The following SRRM2 variants were observed in gnomAD, a reference collection of about 807,000 sequenced individuals.
SRRM2 encodes serine/arginine repetitive matrix protein 2.
SRRM2 carries 30 observed loss-of-function variants against 213.8 expected under a neutral mutation model. That is an observed-to-expected ratio of 0.14 (90% confidence interval 0.10 to 0.19). The LOEUF is 0.19. Ranked by LOEUF, SRRM2 falls within the 10% of genes least tolerant of loss-of-function variation. The pLI is 1.00. For synonymous variants in SRRM2, 2,025 were observed against 1,377.7 expected, an observed-to-expected ratio of 1.47 and a Z score of -10.40; for missense variants, 4,904 against 3,647.0, an observed-to-expected ratio of 1.34 and a Z score of -8.88.
chr16:2,753,006 T>G (rs2067984351), intron 1 of SRRM2, among the ~76,000 whole-genome samples, 160 bp downstream of exon 1: 3 of 148,928 alleles, frequency 2.0e-5, no homozygotes, highest in Non-Finnish European at 1.5e-5. Context: ...CCCTTCCCCC[T>G]TCCCGCCGTT....
intron 1 of SRRM2, 101 bp from the exon 2 acceptor site, chr16:2,756,233 T>C (rs1410293405): frequency 2.7e-6 from 3 of 1,116,702 alleles, no homozygotes; most frequent in East Asian, 2.6e-5. Context: ...TGAAGATCAA[T>C]GTTGAATTAG....
intron 12 of SRRM2, 126 bp downstream of exon 12, chr16:2,769,410 A>C: frequency 1.8e-6 from 2 of 1,114,132 alleles, no homozygotes; most frequent in Non-Finnish European, 2.6e-6. Context: ...GTGGGGGAGG[A>C]GGCACTTGCT....
rs774441538 is a variant in SRRM2 at position 2,764,760 on chromosome 16, C to G, written c.4232C>G (p.Pro1411Arg). 1.1e-5 allele frequency: 18 copies of G among 1,613,996 alleles called. No individual in the cohort carries two copies. The highest frequency in any genetic ancestry group is 1.5e-5 in the Non-Finnish European group (18 of 1,180,028). ...SISSPVLDAVPRTPSRERSSS... is the reference protein window; with the variant it reads ...SISSPVLDAVRRTPSRERSSS... ...TCTTCACCTGTGCTTGATGCTGTAC[C>G]CAGAACACCCTCGAGAGAAAGAAGT... Residue 1411 changes from proline (P) to arginine (R), a missense_variant, in exon 11 of 15, where the codon CCC becomes CGC. Physicochemically the swap from Pro to Arg is moderately radical, Grantham distance 103 (BLOSUM62 -2). Transcript: ENST00000301740.
rs575856432 is a variant in SRRM2 at position 2,758,850 on chromosome 16, C to T, written c.594-135C>T. ...TTGTTGGAGAAAGAAGAAATAAGTCCTGGGCTTAGGTCTGGGGCATTAGTG... is the reference window on the plus strand; with the variant it reads ...TTGTTGGAGAAAGAAGAAATAAGTCTTGGGCTTAGGTCTGGGGCATTAGTG... On this transcript the variant is annotated intron_variant, in intron 5 of 14. Coordinates refer to ENST00000301740, the MANE Select transcript of SRRM2 (RefSeq NM_016333.4). 261 of 914,296 alleles carry T rather than the reference C, an allele frequency of 2.9e-4. 4 individuals are homozygous for T. In the South Asian group the frequency reaches 3.7e-3, roughly 13 times the overall value. 56.6% of individuals were successfully genotyped at this position (914,296 alleles called of 1,614,324 possible). A position where few individuals can be genotyped will look rare whatever the true frequency, so the allele number is the denominator to read the frequency against.
Position 2,766,316 on chromosome 16 carries a change from G to C in SRRM2, c.5788G>C (p.Val1930Leu). ...RRRSRSRTPP[V>L]TRRRSRSRTP... ...GCGATCCAGATCCAGAACGCCACCA[G>C]TAACCCGCCGTCGTTCAAGGTCTAG... The change falls in exon 11 of 15, where the codon GTA (valine) becomes CTA (leucine). Residue 1930 changes from valine (V) to leucine (L), a missense_variant. Coordinates refer to ENST00000301740, the MANE Select transcript of SRRM2 (RefSeq NM_016333.4). The surrounding 1 kb of genome is among the most constrained non-coding windows in gnomAD (Gnocchi z 7.0). The C allele has an allele frequency of 6.2e-7, 1 of 1,614,156 alleles. No individual in the cohort carries two copies. The highest frequency in any genetic ancestry group is 2.2e-5 in the East Asian group (1 of 44,886).
intron 10 of SRRM2, 128 bp from the exon 11 acceptor site, chr16:2,761,433 A>G: frequency 1.5e-6 from 1 of 661,324 alleles, no homozygotes. Context: ...ATTGAATGAA[A>G]GTGATCGCTT....
rs201366178 is a variant in SRRM2, at chr16:2,767,388, C to T, written c.6860C>T (p.Pro2287Leu). The stretch of plus-strand genomic sequence containing the variant: ...CCTTCGGCTGTGAACCTGGCTGACC[C>T]TCGCACTCCCACAGCCCCAGCTGTG... The part of the protein sequence containing the change: ...VAPSAVNLAD[P>L]RTPTAPAVNL... Residue 2287 changes from proline (P) to leucine (L), a missense_variant, in exon 11 of 15, where the codon CCT becomes CTT. Coordinates refer to ENST00000301740, the MANE Select transcript of SRRM2 (RefSeq NM_016333.4). The T allele has an allele frequency of 1.6e-5, 26 of 1,613,940 alleles. No individual in the cohort carries two copies. The East Asian group carries it at 4.9e-4, about 30-fold the overall frequency.
rs201482894 is a variant in SRRM2 at position 2,763,705 on chromosome 16, A to T, written c.3177A>T (p.Gly1059=). The change falls in exon 11 of 15, where the codon GGA becomes GGT. Residue 1059 remains glycine (G), a synonymous_variant. Coordinates refer to ENST00000301740, the MANE Select transcript of SRRM2 (RefSeq NM_016333.4). The part of the protein sequence containing the change: ...YFGVSSLQLK[G]QSQTSPDHRS... ...GTGTCTCATCTCTGCAACTGAAAGG[A>T]CAATCTCAAACTTCACCAGACCACA... is the stretch of plus-strand genomic sequence containing the variant. The T allele has an allele frequency of 2.5e-6, 4 of 1,614,180 alleles. No homozygotes were observed. In the East Asian group the frequency reaches 8.9e-5, roughly 36 times the overall value.
chr16:2,769,000 C>T lies in SRRM2; in HGVS notation c.7737C>T (p.Val2579=), dbSNP rs1427080560. 1.2e-6 allele frequency: 2 copies of T among 1,613,070 alleles called. No individual in the cohort carries two copies. Among genetic ancestry groups the T allele is most frequent in the African/African-American group, 1.3e-5 (1 of 74,892 alleles). ...TGACACTCCTCTCCTCCCACAGGGT[C>T]CCCAGCCCCACCCCAGCCCCAAAGG... ...PVQPEVALKR[V]PSPTPAPKEA... Residue 2579 remains valine (V), a synonymous_variant, in exon 12 of 15, where the codon GTC becomes GTT. Transcript: ENST00000301740.
chr16:2,768,356 C>T lies in SRRM2; in HGVS notation c.7733+95C>T, dbSNP rs1019679247. The T allele has an allele frequency of 7.4e-5, 103 of 1,399,484 alleles. No homozygotes were observed. In the South Asian group the frequency reaches 8.6e-4, roughly 12 times the overall value. 86.7% of individuals were successfully genotyped at this position (1,399,484 alleles called of 1,614,324 possible). A position where few individuals can be genotyped will look rare whatever the true frequency, so the allele number is the denominator to read the frequency against. On this transcript the variant is annotated intron_variant, in intron 11 of 14. Transcript: ENST00000301740. ...GAGAAACCATGTCACAGGTGCTTGG[C>T]TCTTGGAGGAGGTATGGGGACCTTG... is the stretch of plus-strand genomic sequence containing the variant.
chr16:2,757,665 C>A, intron 3 of SRRM2, 86 bp downstream of exon 3: 29 of 1,579,148 alleles, frequency 1.8e-5, no homozygotes, highest in Non-Finnish European at 2.5e-5. Context: ...CGTGGGACTT[C>A]CTCCCTGCTT....
Position 2,761,576 on chromosome 16 carries a change from C to A in SRRM2, c.1048C>A (p.Pro350Thr). 1 of 1,514,146 alleles carries A rather than the reference C, an allele frequency of 6.6e-7. No individual in the cohort carries two copies. The highest frequency in any genetic ancestry group is 8.8e-7 in the Non-Finnish European group (1 of 1,133,648). The allele number at this position is 1,514,146 out of a possible 1,614,324, so 93.8% of individuals were successfully genotyped here. The change falls in exon 11 of 15, where the codon CCT (proline) becomes ACT (threonine). Residue 350 changes from proline to threonine, a missense_variant. Transcript: ENST00000301740. ...CCACTCTTAGAAATCTGCAACTCGA[C>A]CTAGCCCCTCTCCGGAAAGGAGCAG... The part of the protein sequence containing the change: ...KDKKEKSATR[P>T]SPSPERSSTG...
intron 1 of SRRM2, among the ~76,000 whole-genome samples, chr16:2,755,112 T>C (rs967475056): frequency 6.6e-6 from 1 of 152,230 alleles, no homozygotes; most frequent in Admixed American, 6.5e-5. Context: ...ATGCATGTTC[T>C]AGGAAACTAT....
rs762952155 is a variant in SRRM2, at chr16:2,769,066, C to T, written c.7803C>T (p.Ala2601=). 2 of 1,614,030 alleles carry T rather than the reference C, an allele frequency of 1.2e-6. No individual in the cohort carries two copies. Among genetic ancestry groups the T allele is most frequent in the East Asian group, 2.2e-5 (1 of 44,898 alleles). Residue 2601 remains alanine (A), a synonymous_variant, in exon 12 of 15, where the codon GCC becomes GCT. Transcript: ENST00000301740. The part of the protein sequence containing the change: ...REGRPPEPTP[A]KRKRRSSSSS... ...GACGTCCTCCGGAGCCAACCCCAGC[C>T]AAACGGAAGAGGCGCTCTAGCAGTT...
Position 2,764,121 on chromosome 16 carries a change from C to T in SRRM2, c.3593C>T (p.Ser1198Phe), listed in dbSNP as rs2068457625. The stretch of plus-strand genomic sequence containing the variant: ...TTTCCAGTACAGGATAGGCCTGAGT[C>T]TTCACTGGTATTCAAAGACACACTT... ...SPFPVQDRPE[S>F]SLVFKDTLRT... The change falls in exon 11 of 15, where the codon TCT (serine) becomes TTT (phenylalanine). Residue 1198 changes from serine to phenylalanine, a missense_variant. By Grantham distance (155) the Ser-to-Phe change is radical. Transcript: ENST00000301740. 2 of 1,614,146 alleles carry T rather than the reference C, an allele frequency of 1.2e-6. No individual in the cohort carries two copies. The highest frequency in any genetic ancestry group is 8.5e-7 in the Non-Finnish European group (1 of 1,180,044).
rs764866934 is a variant in SRRM2, at chr16:2,764,361, C to T, written c.3833C>T (p.Pro1278Leu). 6.2e-7 allele frequency: 1 copy of T among 1,614,184 alleles called. No homozygotes were observed. The highest frequency in any genetic ancestry group is 1.7e-5 in the Admixed American group (1 of 60,022). Residue 1278 changes from proline to leucine, a missense_variant, in exon 11 of 15, where the codon CCT becomes CTT. By Grantham distance (98) the Pro-to-Leu change is moderately conservative (BLOSUM62 -3). Transcript: ENST00000301740. ...FESSPEVEER[P>L]AVSLTLDQSQ... ...TCATCTCCTGAAGTAGAAGAAAGGC[C>T]TGCTGTGTCTTTGACTCTTGATCAG...
rs150235008 is a variant in SRRM2 at position 2,760,468 on chromosome 16, C to G, written c.1001C>G (p.Pro334Arg). The change falls in exon 10 of 15, where the codon CCT becomes CGT. Residue 334 changes from proline to arginine, a missense_variant. Transcript: ENST00000301740. ...ACTGCTACGAAACAGCCTAGCAGCC[C>G]TTATGAAGACAAAGATAAAGACAAG... is the stretch of plus-strand genomic sequence containing the variant. ...PETATKQPSSPYEDKDKDKKE... is the reference protein window; with the variant it reads ...PETATKQPSSRYEDKDKDKKE... 1.9e-6 allele frequency: 3 copies of G among 1,614,122 alleles called. No individual in the cohort carries two copies. The highest frequency in any genetic ancestry group is 2.5e-6 in the Non-Finnish European group (3 of 1,180,020).
rs781627622 is a variant in SRRM2 at position 2,764,633 on chromosome 16, C to G, written c.4105C>G (p.Leu1369Val). The G allele has an allele frequency of 6.2e-7, 1 of 1,614,188 alleles. No individual in the cohort carries two copies. The change falls in exon 11 of 15, where the codon CTA becomes GTA. Residue 1369 changes from leucine (L) to valine (V), a missense_variant. Transcript: ENST00000301740. ...FLNQLETDPS[L>V]DMKEQSTRSS... is the part of the protein sequence containing the mutation. ...TAATCAGCTGGAAACAGATCCATCT[C>G]TAGACATGAAAGAACAATCGACAAG...
intron 4 of SRRM2, 81 bp downstream of exon 4, chr16:2,758,026 G>A: frequency 6.7e-7 from 1 of 1,493,598 alleles, no homozygotes; most frequent in Non-Finnish European, 9.0e-7. Context: ...TTTGCGGGCT[G>A]GTTTCTTCCC....
Sources: allele counts gnomAD v4.1 joint callset (sites outside exome capture counted in the v4.1 genomes callset), GRCh38; gene constraint gnomAD v4.1.1; non-coding constraint Gnocchi (gnomAD v3.1); transcripts MANE v1.5; gene names NCBI Gene and HGNC (gene_info 2026-07-23, HGNC 2026-07-21).